The following NF1 variants were observed in gnomAD, a reference collection of about 807,000 sequenced individuals.
NF1 encodes the protein neurofibromin.
Under a neutral mutation model 325.7 loss-of-function variants are expected in NF1, and 122 were observed. The observed-to-expected ratio is 0.37, with a 90% CI of 0.32 to 0.44. The LOEUF (loss-of-function observed/expected upper bound fraction) is 0.44, where lower values mean the gene tolerates loss of function less well. Among genes scored for constraint, NF1 ranks in the 20% least tolerant of loss-of-function variants. The pLI is 1.00. For synonymous variants in NF1, 1,091 were observed against 1,186.0 expected (o/e 0.92, Z 1.65); for missense variants, 2,140 against 3,415.4 (o/e 0.63, Z 9.31).
At chr17:31,150,602 A>C (rs1916861540) in intron 1 of NF1, among the ~76,000 whole-genome samples, 1 of 152,304 alleles carries the variant, frequency 6.6e-6, no homozygotes, top group Non-Finnish European at 1.5e-5. Context: ...AACATATTCT[A>C]CTATTTATAT....
chr17:31,345,277 T>C (rs1157973287), intron 48 of NF1, among the ~76,000 whole-genome samples: 6 of 152,212 alleles, frequency 3.9e-5, no homozygotes, highest in African/African-American at 1.4e-4. Flanking sequence ...ATACTTCCTA[T>C]GTCATCAGCT....
intron 1 of NF1, among the ~76,000 whole-genome samples, chr17:31,108,465 A>T (rs540228636): frequency 6.6e-6 from 1 of 151,754 alleles, no homozygotes; most frequent in Non-Finnish European, 1.5e-5. Context: ...TTGTAGAGAC[A>T]GGGTTTTGTC....
At chr17:31,352,925 T>C (rs2070186780) in intron 51 of NF1, among the ~76,000 whole-genome samples, 1 of 152,182 alleles carries the variant, frequency 6.6e-6, no homozygotes, top group Non-Finnish European at 1.5e-5. Flanking sequence ...TTTCTTTTCT[T>C]GATATGAAGT....
chr17:31,222,370 A>T, intron 15 of NF1: 2 of 1,035,910 alleles, frequency 1.9e-6, no homozygotes, highest in Non-Finnish European at 2.3e-6. Flanking sequence ...ACACCTGCTT[A>T]GAAGAAAAAA....
chr17:31,326,331 T>A, intron 37 of NF1, 79 bp downstream of exon 37: 1 of 1,381,274 alleles, frequency 7.2e-7, no homozygotes, highest in Non-Finnish European at 1.0e-6. Context: ...TCCCTAGGTG[T>A]CCTACCCCTA....
Position 31,322,740 on chromosome 17 carries a change from G to A in NF1, c.4836-3080G>A, listed in dbSNP as rs1234732152. ...TGCCTGTGACAGTCTTCTTGTTTCTGTTCATGATAGCAACATTCTAATATC... is the reference window on the plus strand; with the variant it reads ...TGCCTGTGACAGTCTTCTTGTTTCTATTCATGATAGCAACATTCTAATATC... On this transcript the variant is annotated intron_variant, in intron 36 of 57. Coordinates refer to ENST00000358273, the MANE Select transcript of NF1 (RefSeq NM_001042492.3). Among the ~76,000 whole-genome samples, 3 of 152,036 alleles carry A rather than the reference G, an allele frequency of 2.0e-5. No individual in the cohort carries two copies. The East Asian group carries it at 5.8e-4, about 29-fold the overall frequency.
intron 56 of NF1, 120 bp from the exon 57 acceptor site, chr17:31,360,367 T>A: frequency 1.2e-6 from 1 of 823,738 alleles, no homozygotes; most frequent in Non-Finnish European, 2.0e-6. Flanking sequence ...TTTTTAATGA[T>A]AAGTAATACA....
intron 1 of NF1, among the ~76,000 whole-genome samples, chr17:31,153,399 T>C (rs192718813): frequency 1.3e-5 from 2 of 152,390 alleles, no homozygotes. Context: ...AGTGATGCTT[T>C]TGAGTGTGCT....
chr17:31,197,657 T>G (rs1009226502), intron 8 of NF1, among the ~76,000 whole-genome samples: 5 of 152,200 alleles, frequency 3.3e-5, no homozygotes, highest in African/African-American at 1.2e-4. Context: ...GATTTTGTAT[T>G]CTGTGACTTT....
At position 31,376,355 on chromosome 17, in the gene NF1, G is replaced by A. The variant is rs757033592; in HGVS notation, c.*2200G>A. 5.2e-5 allele frequency: 12 copies of A among 232,564 alleles called. No homozygotes were observed. The highest frequency in any genetic ancestry group is 7.6e-5 in the Non-Finnish European group (9 of 117,720). 14.4% of individuals were successfully genotyped at this position (232,564 alleles called of 1,614,324 possible). On this transcript the variant is annotated 3_prime_UTR_variant, in exon 58 of 58. Coordinates refer to ENST00000358273, the MANE Select transcript of NF1 (RefSeq NM_001042492.3). ...TAAAAATACTGATATTTCCATAAAC[G>A]GGTTTACCAAGGGTGTAGTATTTCA...
intron 47 of NF1, among the ~76,000 whole-genome samples, chr17:31,342,543 G>A (rs2069850781): frequency 6.6e-6 from 1 of 152,120 alleles, no homozygotes; most frequent in Admixed American, 6.5e-5. Context: ...AGCCAAGGTG[G>A]TGCCACTGCA....
chr17:31,114,337 G>A lies in NF1; in HGVS notation c.60+18968G>A, dbSNP rs183181602. 2.6e-5 allele frequency among the ~76,000 whole-genome samples: 4 copies of A among 152,138 alleles called. 1 individual carries two copies. The highest frequency in any genetic ancestry group is 9.6e-5 in the African/African-American group (4 of 41,500). Reference sequence around the variant, plus strand: ...GTGGATCACGAGGTCAGGAGATCGAGACCATCCTGGCTAGCACAGTGAAAC... The same window carrying A: ...GTGGATCACGAGGTCAGGAGATCGAAACCATCCTGGCTAGCACAGTGAAAC... On this transcript the variant is annotated intron_variant, in intron 1 of 57. Coordinates refer to ENST00000358273, the MANE Select transcript of NF1 (RefSeq NM_001042492.3).
At chr17:31,241,804 T>C (rs1182725308) in intron 29 of NF1, among the ~76,000 whole-genome samples, 2 of 152,240 alleles carry the variant, frequency 1.3e-5, no homozygotes, top group African/African-American at 2.4e-5. Context: ...TACAGTGTTA[T>C]AATATTTTGT....
intron 49 of NF1, among the ~76,000 whole-genome samples, chr17:31,349,614 C>G (rs1460168354): frequency 6.6e-6 from 1 of 152,040 alleles, no homozygotes; most frequent in Non-Finnish European, 1.5e-5. Context: ...TTTTTATTAC[C>G]ACTCCAAATG....
At chr17:31,095,587 C>T (rs957363499) in intron 1 of NF1, 2 of 572,434 alleles carry the variant, frequency 3.5e-6, no homozygotes, top group Non-Finnish European at 6.2e-6. Flanking sequence ...CCTTTCCCTC[C>T]TAAGTCGGGG....
intron 55 of NF1, 122 bp downstream of exon 55, chr17:31,358,744 T>C: frequency 7.3e-7 from 1 of 1,363,328 alleles, no homozygotes. Context: ...TATTTCCATA[T>C]TCCATTTTTT....
intron 36 of NF1, among the ~76,000 whole-genome samples, chr17:31,281,798 A>G (rs1013363496): frequency 2.0e-5 from 3 of 152,106 alleles, no homozygotes; most frequent in African/African-American, 7.2e-5. Context: ...GCTCACACCT[A>G]TAATCCCTGC....
chr17:31,152,077 C>T (rs2143599161), intron 1 of NF1, among the ~76,000 whole-genome samples: 1 of 152,114 alleles, frequency 6.6e-6, no homozygotes, highest in South Asian at 2.1e-4. Context: ...GTTCCCCTTC[C>T]TGTGTGGTTT....
At position 31,095,534 on chromosome 17, in the gene NF1, C is replaced by A. The variant is rs1911594865; in HGVS notation, c.60+165C>A. ...GGGGGATAAGTGGGGGTGGCCAAGGCGGGAGGTGAGGGGTAGGAGGGGACA... is the reference window on the plus strand; with the variant it reads ...GGGGGATAAGTGGGGGTGGCCAAGGAGGGAGGTGAGGGGTAGGAGGGGACA... On this transcript the variant is annotated intron_variant, in intron 1 of 57. Coordinates refer to ENST00000358273, the MANE Select transcript of NF1 (RefSeq NM_001042492.3). 5 of 578,242 alleles carry A rather than the reference C, an allele frequency of 8.6e-6. No homozygotes were observed. In the East Asian group the frequency reaches 1.6e-4, roughly 19 times the overall value. 35.8% of individuals were successfully genotyped at this position (578,242 alleles called of 1,614,324 possible). A position where few individuals can be genotyped will look rare whatever the true frequency, so the allele number is the denominator to read the frequency against.
Sources: gnomAD v4.1 joint callset for allele counts (sites outside exome capture counted in the v4.1 genomes callset) on GRCh38, gnomAD v4.1.1 for gene constraint, MANE v1.5 for transcripts, NCBI Gene and HGNC (gene_info 2026-07-23, HGNC 2026-07-21) for gene names.